Variants in IVNS1ABP observed in about 807,000 individuals in gnomAD.
IVNS1ABP encodes influenza virus NS1A binding protein, also known as influenza virus NS1A-binding protein.
IVNS1ABP carries 25 observed loss-of-function variants against 78.9 expected under a neutral mutation model. The observed-to-expected ratio is 0.32, with a 90% confidence interval of 0.23 to 0.44. The LOEUF is 0.44. Ranked by LOEUF, IVNS1ABP falls within the 20% of genes least tolerant of loss-of-function variation. The probability of loss-of-function intolerance (pLI) is 1.00; values close to 1 mark genes in which losing one functional copy is unlikely to be tolerated. For synonymous variants in IVNS1ABP, 241 were observed against 259.7 expected (o/e 0.93, Z 0.69); for missense variants, 494 against 768.9 (o/e 0.64, Z 4.23).
chr1:185,312,598 A>G (rs577511974), intron 1 of IVNS1ABP, among the ~76,000 whole-genome samples: 4 of 152,348 alleles, frequency 2.6e-5, no homozygotes, highest in South Asian at 4.1e-4. Flanking sequence ...AGGAAACCCA[A>G]TAATGCCAAT....
intron 8 of IVNS1ABP, among the ~76,000 whole-genome samples, chr1:185,301,889 C>A (rs1451149090): frequency 2.0e-5 from 3 of 152,094 alleles, no homozygotes; most frequent in Non-Finnish European, 4.4e-5. Flanking sequence ...AGTATAGAAT[C>A]TTTTAAAAGA....
intron 1 of IVNS1ABP, among the ~76,000 whole-genome samples, chr1:185,312,773 TAC>T (rs1223821036): frequency 6.6e-6 from 1 of 152,238 alleles, no homozygotes; most frequent in Admixed American, 6.5e-5. Flanking sequence ...TAATTCTTTC[TAC>T]ACAGAGAGAA....
At chr1:185,315,874 C>G (rs923891481) in intron 1 of IVNS1ABP, among the ~76,000 whole-genome samples, 1 of 152,190 alleles carries the variant, frequency 6.6e-6, no homozygotes, top group Admixed American at 6.5e-5. Flanking sequence ...ACTCAACGAA[C>G]AGCTTGATGC....
intron 1 of IVNS1ABP, among the ~76,000 whole-genome samples, chr1:185,315,443 A>G (rs1298766827): frequency 6.6e-6 from 1 of 152,246 alleles, no homozygotes; most frequent in African/African-American, 2.4e-5. Context: ...AGTATCTATT[A>G]GTTAACCAGA....
intron 1 of IVNS1ABP, among the ~76,000 whole-genome samples, chr1:185,316,550 G>C (rs966733569): frequency 6.6e-6 from 1 of 152,246 alleles, no homozygotes; most frequent in African/African-American, 2.4e-5. Context: ...CAGCAAGAAC[G>C]GGGAGTCCCG....
At chr1:185,312,098 G>T (rs1443012399) in intron 1 of IVNS1ABP, among the ~76,000 whole-genome samples, 1 of 152,184 alleles carries the variant, frequency 6.6e-6, no homozygotes, top group Non-Finnish European at 1.5e-5. Flanking sequence ...ACATAAAGAT[G>T]AGTAATTTGT....
intron 8 of IVNS1ABP, 52 bp from the exon 9 acceptor site, chr1:185,301,615 G>T: frequency 6.2e-7 from 1 of 1,605,092 alleles, no homozygotes; most frequent in Non-Finnish European, 8.5e-7. Flanking sequence ...CACATCTGAT[G>T]TACCTTTGTT....
chr1:185,305,256 C>T lies in IVNS1ABP; in HGVS notation c.765+280G>A, dbSNP rs1373017224. On this transcript the variant is annotated intron_variant, in intron 8 of 14. Transcript: ENST00000367498. This position sits in a 1 kb window ranked among gnomAD's most constrained non-coding sequence, Gnocchi z 4.0. ...CAAACAACTGCTTTTCATAATCTTC[C>T]CAAATAATTTCTATATTGTTCCATC... Among the ~76,000 whole-genome samples, 1 of 152,084 alleles carries T rather than the reference C, an allele frequency of 6.6e-6. No homozygotes were observed. The highest frequency in any genetic ancestry group is 1.5e-5 in the Non-Finnish European group (1 of 68,004).
In IVNS1ABP at chr1:185,309,061, A is replaced by G. The variant is rs749511868; in HGVS notation, c.223T>C (p.Phe75Leu). Residue 75 changes from phenylalanine to leucine, a missense_variant, in exon 4 of 15, where the codon TTT becomes CTT. Coordinates refer to ENST00000367498, the MANE Select transcript of IVNS1ABP (RefSeq NM_006469.5). Reference protein sequence around the residue: ...SDPHGISHVKFDDLNPEAVEV... With the variant: ...SDPHGISHVKLDDLNPEAVEV... ...ACAGCTTCTGGATTGAGATCATCAA[A>G]TTTAACGTGAGAAATTCCATGAGGA... 1.9e-6 allele frequency: 3 copies of G among 1,613,274 alleles called. No individual in the cohort carries two copies. Among genetic ancestry groups the G allele is most frequent in the Non-Finnish European group, 2.5e-6 (3 of 1,179,610 alleles).
intron 10 of IVNS1ABP, 25 bp from the exon 11 acceptor site, chr1:185,300,583 A>C: frequency 6.2e-7 from 1 of 1,607,676 alleles, no homozygotes. Flanking sequence ...AACCATAAAG[A>C]TTTATGTTTA....
chr1:185,298,173 GCT>G lies in IVNS1ABP; in HGVS notation c.1789_1790del (p.Ser597GlnfsTer21). The G allele has an allele frequency of 6.2e-7, 1 of 1,613,794 alleles. No individual in the cohort carries two copies. Among genetic ancestry groups the G allele is most frequent in the Non-Finnish European group, 8.5e-7 (1 of 1,179,806 alleles). ...TCCCTACAGTTGCAATCCCAGCATT[GCT>G]CCTTGGTGAAGTCATATTTCCCATC... Reference protein sequence around the residue: ...KMMGNMTSPRSNAGIATVGNT... With the variant: ...KMMGNMTSPRXNAGIATVGNT... On this transcript the variant is annotated frameshift_variant, in exon 15 of 15. Coordinates refer to ENST00000367498, the MANE Select transcript of IVNS1ABP (RefSeq NM_006469.5). LOFTEE classifies it high-confidence loss of function. The surrounding 1 kb of genome is among the most constrained non-coding windows in gnomAD (Gnocchi z 4.1).
In IVNS1ABP at chr1:185,317,012, G is replaced by C. The variant is rs1276444620; in HGVS notation, c.-306C>G. 7.5e-6 allele frequency: 3 copies of C among 398,784 alleles called. No individual in the cohort carries two copies. Among genetic ancestry groups the C allele is most frequent in the Admixed American group, 8.8e-5 (2 of 22,722 alleles). The allele number at this position is 398,784 out of a possible 1,614,324, so 24.7% of individuals were successfully genotyped here. A position where few individuals can be genotyped will look rare whatever the true frequency, so the allele number is the denominator to read the frequency against. On this transcript the variant is annotated 5_prime_UTR_variant, in exon 1 of 15. Transcript: ENST00000367498. ...TCTAGAGCTTCGATGGGAAGCAGGA[G>C]GAAGCGGGCGGGAATCGGCCCAACG...
At chr1:185,306,721 T>C in intron 7 of IVNS1ABP, 1 of 1,028,016 alleles carries the variant, frequency 9.7e-7, no homozygotes, top group Non-Finnish European at 1.2e-6. Flanking sequence ...AAATTAAGAA[T>C]CTACAGAAAA....
rs1269214976 is a variant in IVNS1ABP at position 185,307,942 on chromosome 1, T to A, written c.358-280A>T. 4 of 1,541,128 alleles carry A rather than the reference T, an allele frequency of 2.6e-6. No individual in the cohort carries two copies. In the Admixed American group the frequency reaches 8.3e-5, roughly 32 times the overall value. The stretch of plus-strand genomic sequence containing the variant: ...AGTAGAATAATTTGGTAAGGCTTCA[T>A]GAAACGCAGTATCTGAACTGGGCTC... On this transcript the variant is annotated intron_variant, in intron 5 of 14. Transcript: ENST00000367498.
rs763160067 is a variant in IVNS1ABP at position 185,300,430 on chromosome 1, C to T, written c.1242+7G>A. 6.8e-6 allele frequency: 11 copies of T among 1,613,418 alleles called. No individual in the cohort carries two copies. Among genetic ancestry groups the T allele is most frequent in the East Asian group, 4.5e-5 (2 of 44,874 alleles). ...TAGGGGTTGCTCCTGCAACATAATG[C>T]GCTTACCATGAGTACAGCCATTTGA... On this transcript the variant is annotated splice_region_variant and intron_variant, in intron 11 of 14. Coordinates refer to ENST00000367498, the MANE Select transcript of IVNS1ABP (RefSeq NM_006469.5).
At chr1:185,311,570 A>T (rs984010791) in intron 1 of IVNS1ABP, among the ~76,000 whole-genome samples, 7 of 151,874 alleles carry the variant, frequency 4.6e-5, no homozygotes, top group African/African-American at 1.7e-4. Flanking sequence ...GGGGCTAATG[A>T]CCTATGTTTA....
intron 1 of IVNS1ABP, among the ~76,000 whole-genome samples, chr1:185,313,462 A>T (rs1240684098): frequency 6.6e-6 from 1 of 152,164 alleles, no homozygotes; most frequent in Non-Finnish European, 1.5e-5. Flanking sequence ...GTCCTCATAC[A>T]CTATATACCT....
At chr1:185,307,707 T>C in intron 5 of IVNS1ABP, 45 bp from the exon 6 acceptor site, 1 of 1,557,146 alleles carries the variant, frequency 6.4e-7, no homozygotes, top group Non-Finnish European at 8.8e-7. Flanking sequence ...ATATCTTTTA[T>C]TCAACAAATA....
At chr1:185,308,108 A>G in intron 5 of IVNS1ABP, 1 of 1,436,548 alleles carries the variant, frequency 7.0e-7, no homozygotes, top group Non-Finnish European at 9.4e-7. Context: ...TAGAAACTAA[A>G]TGCAGGGATA....
Sources: gnomAD v4.1 joint callset for allele counts (sites outside exome capture counted in the v4.1 genomes callset) on GRCh38, gnomAD v4.1.1 for gene constraint, Gnocchi (gnomAD v3.1) non-coding constraint, MANE v1.5 for transcripts, NCBI Gene and HGNC (gene_info 2026-07-23, HGNC 2026-07-21) for gene names.